The following GLIS3 variants were observed in gnomAD, a reference collection of about 807,000 sequenced individuals.
GLIS3 encodes the protein GLIS family zinc finger 3.
In GLIS3, 53 loss-of-function variants were observed where a neutral mutation model predicts 78.6. That is an observed-to-expected ratio of 0.67 (90% CI 0.54 to 0.85). GLIS3 has a LOEUF of 0.85. Among genes scored for constraint, GLIS3 ranks in the 40% least tolerant of loss-of-function variants. GLIS3 has a pLI of 0.00. For synonymous variants in GLIS3, 684 were observed against 509.9 expected (o/e 1.34, Z -4.60); for missense variants, 1,703 against 1,231.1 (o/e 1.38, Z -5.74).
At position 3,825,412 on chromosome 9, in the gene GLIS3, A is replaced by G. The variant is rs1382272200; in HGVS notation, c.*2860T>C. ...GGAATTAAGACAATGCAGCCAATGAAATGTCTCTAGGCAGACTGATTTTTT... is the reference window on the plus strand; with the variant it reads ...GGAATTAAGACAATGCAGCCAATGAGATGTCTCTAGGCAGACTGATTTTTT... On this transcript the variant is annotated 3_prime_UTR_variant, in exon 11 of 11. Transcript: ENST00000381971. 6.6e-6 allele frequency: 1 copy of G among 151,906 alleles called. No individual in the cohort carries two copies. The highest frequency in any genetic ancestry group is 1.9e-4 in the East Asian group (1 of 5,182). 9.4% of individuals were successfully genotyped at this position (151,906 alleles called of 1,614,324 possible).
intron 6 of GLIS3, among the ~76,000 whole-genome samples, chr9:3,920,351 T>C (rs1160128795): frequency 1.3e-5 from 2 of 152,158 alleles, no homozygotes; most frequent in East Asian, 1.9e-4. Flanking sequence ...CTTTTGGTGA[T>C]GGTTGAAGAG....
At chr9:4,488,437 A>G in the GLIS3 span, among the ~76,000 whole-genome samples, 11 of 152,242 alleles carry the variant, frequency 7.2e-5, no homozygotes, top group African/African-American at 2.6e-4. Context: ...TAATATATTT[A>G]CCATTCCATT....
At chr9:4,169,160 G>C (rs1238638904) in intron 2 of GLIS3, among the ~76,000 whole-genome samples, 3 of 152,180 alleles carry the variant, frequency 2.0e-5, no homozygotes, top group East Asian at 1.9e-4. Context: ...CTATCAACTG[G>C]TACTCCTCTG....
rs578116513 is a variant in GLIS3 at position 4,163,302 on chromosome 9, A to T, written c.389-37361T>A. 5.3e-5 allele frequency among the ~76,000 whole-genome samples: 8 copies of T among 152,364 alleles called. No homozygotes were observed. The South Asian group carries it at 1.0e-3, about 20-fold the overall frequency. ...CGCGCACACATACCATTTCTCAAACATGCCCATTTAATTTACCTATGTCTG... is the reference window on the plus strand; with the variant it reads ...CGCGCACACATACCATTTCTCAAACTTGCCCATTTAATTTACCTATGTCTG... On this transcript the variant is annotated intron_variant, in intron 2 of 10. Coordinates refer to ENST00000381971, the MANE Select transcript of GLIS3 (RefSeq NM_001042413.2).
rs1161226160 is a variant in GLIS3, at chr9:4,118,939, G to A, written c.597-58C>T. The A allele has an allele frequency of 3.2e-6, 5 of 1,539,826 alleles. No homozygotes were observed. The highest frequency in any genetic ancestry group is 1.4e-5 in the African/African-American group (1 of 73,506). ...AAGATAAACATTTTAGCAGGATACGGATTGCTTAAGAGCTAAAAGAACACT... is the reference window on the plus strand; with the variant it reads ...AAGATAAACATTTTAGCAGGATACGAATTGCTTAAGAGCTAAAAGAACACT... On this transcript the variant is annotated intron_variant, in intron 3 of 10. Coordinates refer to ENST00000381971, the MANE Select transcript of GLIS3 (RefSeq NM_001042413.2). This position sits in a 1 kb window ranked among gnomAD's most constrained non-coding sequence, Gnocchi z 4.7.
intron 2 of GLIS3, among the ~76,000 whole-genome samples, chr9:4,253,534 C>G (rs769987216): frequency 6.6e-6 from 1 of 152,350 alleles, no homozygotes; most frequent in East Asian, 1.9e-4. Context: ...TGGATCTTGG[C>G]TTGCTGGGCT....
At chr9:3,868,775 C>T (rs551768668) in intron 8 of GLIS3, among the ~76,000 whole-genome samples, 1 of 152,308 alleles carries the variant, frequency 6.6e-6, no homozygotes, top group African/African-American at 2.4e-5. Flanking sequence ...AATTTCTACA[C>T]TAAGCTCCAC....
chr9:4,241,410 A>G (rs927935090), intron 2 of GLIS3, among the ~76,000 whole-genome samples: 5 of 152,228 alleles, frequency 3.3e-5, no homozygotes, highest in Non-Finnish European at 7.3e-5. Context: ...TAAGTTGACT[A>G]TAGTTTAGAA....
intron 2 of GLIS3, among the ~76,000 whole-genome samples, chr9:4,238,764 T>A (rs1175797708): frequency 6.6e-6 from 1 of 152,140 alleles, no homozygotes; most frequent in Non-Finnish European, 1.5e-5. Flanking sequence ...AGAGTTGGCT[T>A]TAATTAAATC....
intron 4 of GLIS3, among the ~76,000 whole-genome samples, chr9:4,078,809 T>A (rs974477421): frequency 6.6e-6 from 1 of 152,194 alleles, no homozygotes; most frequent in Non-Finnish European, 1.5e-5. Flanking sequence ...TCAGTGAAAC[T>A]ACTATGAATG....
chr9:4,115,733 T>C (rs766177186), intron 4 of GLIS3, among the ~76,000 whole-genome samples: 47 of 152,270 alleles, frequency 3.1e-4, no homozygotes, highest in South Asian at 2.1e-4. Flanking sequence ...TAAAAATATA[T>C]AGCCCCAGAA....
chr9:4,398,384 C>G, the GLIS3 span, among the ~76,000 whole-genome samples: 1 of 152,036 alleles, frequency 6.6e-6, no homozygotes, highest in African/African-American at 2.4e-5. Flanking sequence ...TCAGAATCTG[C>G]AATTTAAACA....
chr9:4,349,916 G>A (rs1021856177), upstream of GLIS3, among the ~76,000 whole-genome samples: 1 of 152,188 alleles, frequency 6.6e-6, no homozygotes, highest in East Asian at 1.9e-4. Flanking sequence ...CTTCTGTGGG[G>A]CCTGTCCTGG....
intron 7 of GLIS3, among the ~76,000 whole-genome samples, chr9:3,890,365 C>T (rs957335933): frequency 7.9e-5 from 12 of 152,126 alleles, no homozygotes; most frequent in African/African-American, 2.9e-4. Flanking sequence ...TTGGAAGGAA[C>T]GCTTTATGTC....
intron 2 of GLIS3, among the ~76,000 whole-genome samples, chr9:4,160,438 G>A (rs1835384611): frequency 6.6e-6 from 1 of 152,214 alleles, no homozygotes; most frequent in Non-Finnish European, 1.5e-5. Flanking sequence ...TATTTTGTCA[G>A]AAAGTACATC....
At chr9:4,288,327 C>T (rs1047583493) in intron 1 of GLIS3, among the ~76,000 whole-genome samples, 1 of 151,978 alleles carries the variant, frequency 6.6e-6, no homozygotes, top group Non-Finnish European at 1.5e-5. Flanking sequence ...CAACCCACCC[C>T]CCGCCAAAAA....
chr9:4,328,399 T>G (rs1160208627), intron 2 of GLIS3, among the ~76,000 whole-genome samples: 1 of 151,662 alleles, frequency 6.6e-6, no homozygotes, highest in Non-Finnish European at 1.5e-5. Context: ...GCTCAGAGAG[T>G]CAGGAAAACA....
At chr9:4,288,057 G>T (rs868486679) in intron 1 of GLIS3, among the ~76,000 whole-genome samples, 1 of 152,224 alleles carries the variant, frequency 6.6e-6, no homozygotes, top group Middle Eastern at 3.4e-3. Flanking sequence ...CTTCTCCCAT[G>T]AGTACGAAGC....
chr9:4,415,188 A>G, the GLIS3 span, among the ~76,000 whole-genome samples: 1 of 152,134 alleles, frequency 6.6e-6, no homozygotes. Flanking sequence ...TGGATTAGGG[A>G]TCTGTGAGGA....
Sources: gnomAD v4.1 joint callset for allele counts (sites outside exome capture counted in the v4.1 genomes callset) on GRCh38, gnomAD v4.1.1 for gene constraint, Gnocchi (gnomAD v3.1) non-coding constraint, MANE v1.5 for transcripts, NCBI Gene and HGNC (gene_info 2026-07-23, HGNC 2026-07-21) for gene names.